Variants in YTHDC1 observed in about 807,000 individuals in gnomAD.
The protein encoded by YTHDC1 is YTH N6-methyladenosine RNA binding protein C1, also known as YTH domain-containing protein 1.
Under a neutral mutation model 107.0 loss-of-function variants are expected in YTHDC1, and 12 were observed. That is an observed-to-expected ratio of 0.11 (90% confidence interval 0.07 to 0.18). YTHDC1 has a LOEUF of 0.18. Among genes scored for constraint, YTHDC1 ranks in the 10% least tolerant of loss-of-function variants. YTHDC1 has a pLI of 1.00. For synonymous variants in YTHDC1, 280 were observed against 289.5 expected (o/e 0.97, Z 0.33); for missense variants, 635 against 898.8 (o/e 0.71, Z 3.75).
chr4:68,344,839 C>A (rs550949092), intron 1 of YTHDC1, among the ~76,000 whole-genome samples: 2 of 152,244 alleles, frequency 1.3e-5, no homozygotes, highest in South Asian at 4.1e-4. Flanking sequence ...AGCTTGAAAT[C>A]TGCTTGGGCA....
chr4:68,348,534 A>G (rs1725702103), intron 1 of YTHDC1, among the ~76,000 whole-genome samples: 1 of 151,674 alleles, frequency 6.6e-6, no homozygotes, highest in Non-Finnish European at 1.5e-5. Flanking sequence ...AGGATGGAAC[A>G]TTAAACTGCT....
intron 11 of YTHDC1, among the ~76,000 whole-genome samples, chr4:68,321,080 A>G (rs1470353022): frequency 6.6e-6 from 1 of 152,116 alleles, no homozygotes; most frequent in East Asian, 1.9e-4. Context: ...ATACACTTCA[A>G]TTTACTTAGC....
intron 1 of YTHDC1, among the ~76,000 whole-genome samples, chr4:68,341,271 A>G (rs184473177): frequency 2.0e-5 from 3 of 152,324 alleles, no homozygotes; most frequent in Admixed American, 6.5e-5. Context: ...AACTTTAACC[A>G]AAGTATAAAG....
intron 15 of YTHDC1, 60 bp downstream of exon 15, chr4:68,318,459 C>A: frequency 6.8e-7 from 1 of 1,466,616 alleles, no homozygotes; most frequent in South Asian, 1.3e-5. Flanking sequence ...CGAGTAAGCA[C>A]CTGAAATACT....
intron 1 of YTHDC1, among the ~76,000 whole-genome samples, chr4:68,339,055 T>C (rs1192808420): frequency 2.6e-5 from 4 of 152,226 alleles, no homozygotes. Flanking sequence ...TATGTACAAC[T>C]TATAAATACA....
intron 12 of YTHDC1, among the ~76,000 whole-genome samples, chr4:68,319,161 GT>G: frequency 6.6e-6 from 1 of 152,256 alleles, no homozygotes; most frequent in African/African-American, 2.4e-5. Flanking sequence ...CACAGGGAAG[GT>G]AAGGGCAGAG....
Position 68,314,357 on chromosome 4 carries a change from A to C in YTHDC1, c.1960-34T>G, listed in dbSNP as rs762015175. 3.7e-6 allele frequency: 6 copies of C among 1,608,460 alleles called. No individual in the cohort carries two copies. The South Asian group carries it at 6.6e-5, about 18-fold the overall frequency. ...GGAAAGAAATGTGTTAGGTATGTCA[A>C]AAAGGCAAATAGTGTTAAGTGGATC... On this transcript the variant is annotated intron_variant, in intron 16 of 16. Transcript: ENST00000344157.
chr4:68,337,957 T>C, intron 2 of YTHDC1, 57 bp from the exon 3 acceptor site: 1 of 1,547,158 alleles, frequency 6.5e-7, no homozygotes, highest in Non-Finnish European at 8.7e-7. Context: ...TCCATTTATT[T>C]CACCAAAGAC....
chr4:68,310,436 CAAT>C lies in YTHDC1; in HGVS notation c.*3660_*3662del, dbSNP rs1323702144. ...ATTTATTAGTATTTAAGACAATAGT[CAAT>C]AATCTATATTTAAGACACAGAAGAA... On this transcript the variant is annotated 3_prime_UTR_variant, in exon 17 of 17. Coordinates refer to ENST00000344157, the MANE Select transcript of YTHDC1 (RefSeq NM_001031732.4). 1 of 151,970 alleles carries C rather than the reference CAAT, an allele frequency of 6.6e-6. No individual in the cohort carries two copies. The highest frequency in any genetic ancestry group is 1.5e-5 in the Non-Finnish European group (1 of 67,970). The allele number at this position is 151,970 out of a possible 1,614,324, so 9.4% of individuals were successfully genotyped here. A position where few individuals can be genotyped will look rare whatever the true frequency, so the allele number is the denominator to read the frequency against.
At position 68,344,923 on chromosome 4, in the gene YTHDC1, T is replaced by C. The variant is rs2109746394; in HGVS notation, c.28+4803A>G. On this transcript the variant is annotated intron_variant, in intron 1 of 16. Transcript: ENST00000344157. ...CACCGCACCTGTAGTCTCAGCTACT[T>C]AGGAAGCTGAAGTGGGAGAATCACC... Among the ~76,000 whole-genome samples the C allele has an allele frequency of 1.3e-5, 2 of 152,110 alleles. 1 individual carries two copies. The highest frequency in any genetic ancestry group is 4.2e-4 in the South Asian group (2 of 4,788).
intron 9 of YTHDC1, among the ~76,000 whole-genome samples, chr4:68,325,959 A>G (rs902236448): frequency 5.3e-5 from 8 of 152,124 alleles, no homozygotes; most frequent in African/African-American, 1.4e-4. Context: ...GGCTCTCAGA[A>G]GTAGAAAGAC....
Position 68,332,200 on chromosome 4 carries a change from G to GAA in YTHDC1, c.1028-5_1028-4dup. 5.8e-6 allele frequency: 9 copies of GAA among 1,542,578 alleles called. No homozygotes were observed. The highest frequency in any genetic ancestry group is 2.8e-5 in the African/African-American group (2 of 71,076). On this transcript the variant is annotated splice_region_variant and splice_polypyrimidine_tract_variant and intron_variant, in intron 6 of 16. Coordinates refer to ENST00000344157, the MANE Select transcript of YTHDC1 (RefSeq NM_001031732.4). ...ATATTTGAGTTTACTGGTTTGATCT[G>GAA]AAAAAAAAAGAAACCCAAATCGATT...
chr4:68,345,661 G>A (rs972426162), intron 1 of YTHDC1, among the ~76,000 whole-genome samples: 4 of 151,954 alleles, frequency 2.6e-5, no homozygotes, highest in Non-Finnish European at 5.9e-5. Flanking sequence ...TATACTATAG[G>A]TAAAATAAAT....
At chr4:68,315,626 G>C (rs920235999) in intron 16 of YTHDC1, among the ~76,000 whole-genome samples, 2 of 152,150 alleles carry the variant, frequency 1.3e-5, no homozygotes, top group East Asian at 1.9e-4. Context: ...CTATTGGGGG[G>C]GGTGGGGAAG....
At chr4:68,344,160 T>C (rs1009280502) in intron 1 of YTHDC1, 1 of 151,630 alleles carries the variant, frequency 6.6e-6, no homozygotes, top group Non-Finnish European at 1.5e-5. Context: ...AATGAGTTTG[T>C]ATCTGGTGAA....
intron 4 of YTHDC1, among the ~76,000 whole-genome samples, chr4:68,336,324 C>A (rs1030316470): frequency 6.6e-6 from 1 of 151,900 alleles, no homozygotes; most frequent in African/African-American, 2.4e-5. Context: ...CTGTACCCTC[C>A]CCCAAGAAAA....
In YTHDC1 at chr4:68,349,700, G is replaced by A. The variant is rs758072047; in HGVS notation, c.28+26C>T. The A allele has an allele frequency of 7.6e-6, 12 of 1,586,446 alleles. 1 individual carries two copies. In the South Asian group the frequency reaches 8.9e-5, roughly 12 times the overall value. ...CACTCCCGGGCCCCAGCCTCGCCTC[G>A]GCCCGTCATCTTTCTCCGCACTAAC... On this transcript the variant is annotated intron_variant, in intron 1 of 16. Transcript: ENST00000344157.
chr4:68,335,688 C>A (rs1488694550), intron 4 of YTHDC1, among the ~76,000 whole-genome samples: 2 of 151,954 alleles, frequency 1.3e-5, no homozygotes, highest in African/African-American at 4.8e-5. Context: ...ATACATTCTC[C>A]ACAATAAATG....
chr4:68,316,202 C>A, intron 16 of YTHDC1, 112 bp downstream of exon 16: 1 of 1,200,412 alleles, frequency 8.3e-7, no homozygotes, highest in African/African-American at 1.5e-5. Flanking sequence ...AAACAGTCTG[C>A]AGTAAGAATA....
Sources: allele counts gnomAD v4.1 joint callset (sites outside exome capture counted in the v4.1 genomes callset), GRCh38; gene constraint gnomAD v4.1.1; transcripts MANE v1.5; gene names NCBI Gene and HGNC (gene_info 2026-07-23, HGNC 2026-07-21).